MORN5: variants seen among roughly 807,000 people sequenced by gnomAD.
MORN5 encodes the protein MORN repeat-containing protein 5.
In MORN5, 21 loss-of-function variants were observed where a neutral mutation model predicts 22.1. That is an observed-to-expected ratio of 0.95 (90% CI 0.67 to 1.37). The LOEUF (loss-of-function observed/expected upper bound fraction) is 1.37, where lower values mean the gene tolerates loss of function less well. MORN5 is among the 40% of genes most tolerant of loss of function. The pLI is 0.00. For synonymous variants in MORN5, 73 were observed against 74.0 expected, an observed-to-expected ratio of 0.99 and a Z score of 0.07; for missense variants, 211 against 215.1, an observed-to-expected ratio of 0.98 and a Z score of 0.12.
intron 1 of MORN5, among the ~76,000 whole-genome samples, chr9:122,165,910 A>G (rs1169080769): frequency 2.6e-5 from 4 of 152,184 alleles, no homozygotes; most frequent in Non-Finnish European, 5.9e-5. Context: ...AAGTATCTGT[A>G]TTAGTCTGTT....
chr9:122,171,410 C>T (rs972093326), intron 3 of MORN5, among the ~76,000 whole-genome samples: 2 of 152,130 alleles, frequency 1.3e-5, no homozygotes, highest in South Asian at 2.1e-4. Context: ...GCCACTGCCT[C>T]CTCAACATCC....
At chr9:122,178,778 T>G (rs1046378631) in intron 4 of MORN5, among the ~76,000 whole-genome samples, 1 of 152,188 alleles carries the variant, frequency 6.6e-6, no homozygotes, top group African/African-American at 2.4e-5. Context: ...GTCCTGCCTT[T>G]GTTGGTTATT....
At chr9:122,167,994 C>T (rs2118745171) in intron 2 of MORN5, among the ~76,000 whole-genome samples, 1 of 152,260 alleles carries the variant, frequency 6.6e-6, no homozygotes, top group East Asian at 1.9e-4. Context: ...TTACTATTTC[C>T]CTCTCATAGG....
chr9:122,196,125 A>G (rs1306289409), intron 4 of MORN5, among the ~76,000 whole-genome samples: 1 of 151,650 alleles, frequency 6.6e-6, no homozygotes, highest in East Asian at 1.9e-4. Flanking sequence ...TGCCCAGCTA[A>G]TTTTTCTATT....
chr9:122,166,087 G>C (rs1334483783), intron 1 of MORN5, among the ~76,000 whole-genome samples: 1 of 152,042 alleles, frequency 6.6e-6, no homozygotes, highest in Non-Finnish European at 1.5e-5. Flanking sequence ...CATGTTCAGG[G>C]GAATTGCCCT....
chr9:122,169,897 G>A, intron 3 of MORN5, 141 bp downstream of exon 3: 1 of 655,974 alleles, frequency 1.5e-6, no homozygotes, highest in South Asian at 1.9e-5. Context: ...AAAAGAGCCA[G>A]GTCCTGGAGC....
chr9:122,162,721 A>C (rs1287778765), intron 1 of MORN5, among the ~76,000 whole-genome samples: 2 of 152,246 alleles, frequency 1.3e-5, no homozygotes, highest in African/African-American at 4.8e-5. Context: ...GCCAGACAAA[A>C]AAAGAGTAGA....
rs1460914564 is a variant in MORN5, at chr9:122,163,036, G to A, written c.47+3017G>A. Reference sequence around the variant, plus strand: ...AAGAGACATGATTTCCCTGTACCACGTGTGAATATTAAAAAAAAAAAGGTT... The same window carrying A: ...AAGAGACATGATTTCCCTGTACCACATGTGAATATTAAAAAAAAAAAGGTT... On this transcript the variant is annotated intron_variant, in intron 1 of 4. Coordinates refer to ENST00000373764, the MANE Select transcript of MORN5 (RefSeq NM_198469.4). Among the ~76,000 whole-genome samples the A allele has an allele frequency of 4.0e-5, 5 of 124,782 alleles. 2 individuals are homozygous for A. In the South Asian group the frequency reaches 1.1e-3, roughly 28 times the overall value. The allele number at this position is 124,782 out of a possible 152,430, so 81.9% of individuals were successfully genotyped here. A position where few individuals can be genotyped will look rare whatever the true frequency, so the allele number is the denominator to read the frequency against.
chr9:122,186,705 G>T (rs1027660480), intron 4 of MORN5, among the ~76,000 whole-genome samples: 14 of 152,202 alleles, frequency 9.2e-5, no homozygotes, highest in African/African-American at 3.4e-4. Flanking sequence ...ACTCCCCCAC[G>T]GCAGCCTCCT....
At chr9:122,199,741 A>G in intron 4 of MORN5, 144 bp from the exon 5 acceptor site, 1 of 737,572 alleles carries the variant, frequency 1.4e-6, no homozygotes, top group South Asian at 1.6e-5. Context: ...TGTAAATGAA[A>G]GGTCTGTTCC....
chr9:122,174,189 G>T (rs1320497718), intron 3 of MORN5, among the ~76,000 whole-genome samples: 1 of 152,082 alleles, frequency 6.6e-6, no homozygotes, highest in Non-Finnish European at 1.5e-5. Flanking sequence ...TTACCCTCAG[G>T]GTCTGTCTAA....
At position 122,199,819 on chromosome 9, in the gene MORN5, A is replaced by AC. The variant is rs1829975019; in HGVS notation, c.440-60dup. ...CCAGTCCCAACGCCCCACCTGGGGAACCCCCCAGGCCAGGAAAGGTCCCAG... is the reference window on the plus strand; with the variant it reads ...CCAGTCCCAACGCCCCACCTGGGGAACCCCCCCAGGCCAGGAAAGGTCCCAG... On this transcript the variant is annotated intron_variant, in intron 4 of 4. Coordinates refer to ENST00000373764, the MANE Select transcript of MORN5 (RefSeq NM_198469.4). 3 of 1,527,890 alleles carry AC rather than the reference A, an allele frequency of 2.0e-6. No homozygotes were observed. The South Asian group carries it at 3.4e-5, about 17-fold the overall frequency. 94.6% of individuals were successfully genotyped at this position (1,527,890 alleles called of 1,614,324 possible).
At chr9:122,175,703 A>G in intron 4 of MORN5, 1 of 985,344 alleles carries the variant, frequency 1.0e-6, no homozygotes, top group South Asian at 4.7e-5. Context: ...ATAATGAGAA[A>G]GAAACTGCCA....
At position 122,162,632 on chromosome 9, in the gene MORN5, C is replaced by T. The variant is rs148495257; in HGVS notation, c.47+2613C>T. 1.1e-4 allele frequency among the ~76,000 whole-genome samples: 17 copies of T among 152,084 alleles called. No homozygotes were observed. In the East Asian group the frequency reaches 3.1e-3, roughly 28 times the overall value. ...GGTATATCCATTCATTGGAATACTACTCAGCAATAAAAAGGAGTGAACTAT... is the reference window on the plus strand; with the variant it reads ...GGTATATCCATTCATTGGAATACTATTCAGCAATAAAAAGGAGTGAACTAT... On this transcript the variant is annotated intron_variant, in intron 1 of 4. Transcript: ENST00000373764.
intron 1 of MORN5, among the ~76,000 whole-genome samples, chr9:122,166,438 A>G (rs562907993): frequency 3.4e-4 from 52 of 152,136 alleles, no homozygotes; most frequent in African/African-American, 1.2e-3. Context: ...CCTGGGCTCT[A>G]GTGTCCACAG....
At chr9:122,188,341 TC>T (rs2118778475) in intron 4 of MORN5, among the ~76,000 whole-genome samples, 1 of 152,274 alleles carries the variant, frequency 6.6e-6, no homozygotes, top group South Asian at 2.1e-4. Flanking sequence ...CTCAGTAGCC[TC>T]CCCTGTAAAA....
rs1829910104 is a variant in MORN5 at position 122,197,127 on chromosome 9, C to G, written c.440-2758C>G. Among the ~76,000 whole-genome samples, 1 of 152,144 alleles carries G rather than the reference C, an allele frequency of 6.6e-6. No homozygotes were observed. The highest frequency in any genetic ancestry group is 1.5e-5 in the Non-Finnish European group (1 of 68,040). On this transcript the variant is annotated intron_variant, in intron 4 of 4. Coordinates refer to ENST00000373764, the MANE Select transcript of MORN5 (RefSeq NM_198469.4). The surrounding 1 kb of genome is among the most constrained non-coding windows in gnomAD (Gnocchi z 5.7). ...AGAATAGTGTCCCAGAGTGGAATTA[C>G]CGGGCCAACAGGGACCAAAAATTTT...
intron 4 of MORN5, among the ~76,000 whole-genome samples, chr9:122,182,776 C>T (rs1160165622): frequency 6.6e-6 from 1 of 152,146 alleles, no homozygotes; most frequent in Non-Finnish European, 1.5e-5. Context: ...AACAGCTTAC[C>T]TCGCATGGTC....
intron 4 of MORN5, among the ~76,000 whole-genome samples, chr9:122,193,509 C>T (rs950328096): frequency 2.6e-5 from 4 of 152,188 alleles, no homozygotes; most frequent in East Asian, 1.9e-4. Flanking sequence ...CGCTTGAACC[C>T]GGGAGGCGGG....
Sources: gnomAD v4.1 joint callset for allele counts (sites outside exome capture counted in the v4.1 genomes callset) on GRCh38, gnomAD v4.1.1 for gene constraint, Gnocchi (gnomAD v3.1) non-coding constraint, MANE v1.5 for transcripts, NCBI Gene and HGNC (gene_info 2026-07-23, HGNC 2026-07-21) for gene names.